The following MYH13 variants were observed in gnomAD, a reference collection of about 807,000 sequenced individuals.
The protein encoded by MYH13 is myosin heavy chain 13, also known as myosin-13.
A neutral mutation model predicts 232.1 loss-of-function variants in MYH13; 177 were observed. The observed-to-expected ratio is 0.76, with a 90% CI of 0.67 to 0.86. The LOEUF (loss-of-function observed/expected upper bound fraction) is 0.86. Ranked by LOEUF, MYH13 falls within the 40% of genes least tolerant of loss-of-function variation. MYH13 has a pLI of 0.00. For synonymous variants in MYH13, 884 were observed against 923.5 expected, an observed-to-expected ratio of 0.96 and a Z score of 0.78; for missense variants, 2,246 against 2,405.9, an observed-to-expected ratio of 0.93 and a Z score of 1.39.
chr17:10,316,916 A>G (rs1906735607), intron 27 of MYH13, among the ~76,000 whole-genome samples: 1 of 152,206 alleles, frequency 6.6e-6, no homozygotes, highest in Non-Finnish European at 1.5e-5. Flanking sequence ...AAGCAGGGAC[A>G]CTAATTCCAC....
At chr17:10,324,883 G>A (rs1907149278) in intron 22 of MYH13, 1 of 151,260 alleles carries the variant, frequency 6.6e-6, no homozygotes. Flanking sequence ...AAGTGCAGTG[G>A]TGTGAGTGTA....
rs1452614336 is a variant in MYH13, at chr17:10,323,805, G to A, written c.2934+217C>T. Among the ~76,000 whole-genome samples, 4 of 139,280 alleles carry A rather than the reference G, an allele frequency of 2.9e-5. No individual in the cohort carries two copies. The East Asian group carries it at 7.5e-4, about 26-fold the overall frequency. The allele number at this position is 139,280 out of a possible 152,430, so 91.4% of individuals were successfully genotyped here. On this transcript the variant is annotated intron_variant, in intron 23 of 40. Coordinates refer to ENST00000252172, the MANE Select transcript of MYH13 (RefSeq NM_003802.3). ...AAAAAAAAAAGAAGAAGAAGAAGAA[G>A]AAGAAGAAGAAGAAGAAGAAGAAGA...
Position 10,346,744 on chromosome 17 carries a change from C to T in MYH13, c.1199G>A (p.Gly400Asp). Reference sequence around the variant, plus strand: ...AACCTTCACCCTTGGACAGCACAGGCCCTTCAGCATTTCTGCAGAATTCAG... The same window carrying T: ...AACCTTCACCCTTGGACAGCACAGGTCCTTCAGCATTTCTGCAGAATTCAG... ...MGLNSAEMLKGLCCPRVKVGN... is the reference protein window; with the variant it reads ...MGLNSAEMLKDLCCPRVKVGN... Residue 400 changes from glycine to aspartate, a missense_variant, in exon 13 of 41, where the codon GGC (glycine) becomes GAC (aspartate). Coordinates refer to ENST00000252172, the MANE Select transcript of MYH13 (RefSeq NM_003802.3). 6.2e-7 allele frequency: 1 copy of T among 1,614,002 alleles called. No individual in the cohort carries two copies. The highest frequency in any genetic ancestry group is 8.5e-7 in the Non-Finnish European group (1 of 1,179,878).
intron 18 of MYH13, among the ~76,000 whole-genome samples, chr17:10,339,453 G>A (rs1047356543): frequency 6.6e-6 from 1 of 152,334 alleles, no homozygotes; most frequent in African/African-American, 2.4e-5. Context: ...GCAGAGAACT[G>A]TTGCAAGGAT....
intron 21 of MYH13, among the ~76,000 whole-genome samples, chr17:10,330,165 G>A (rs964823322): frequency 3.3e-5 from 5 of 152,046 alleles, no homozygotes; most frequent in East Asian, 3.9e-4. Flanking sequence ...CCATACATGC[G>A]TCTGCTTCCC....
At chr17:10,349,605 G>A (rs571660418) in intron 12 of MYH13, among the ~76,000 whole-genome samples, 19 of 152,114 alleles carry the variant, frequency 1.2e-4, no homozygotes, top group Non-Finnish European at 1.9e-4. Context: ...GTGCCCCCTG[G>A]TGTACATGCC....
intron 22 of MYH13, among the ~76,000 whole-genome samples, chr17:10,324,482 G>T (rs1030326997): frequency 2.0e-5 from 3 of 152,130 alleles, no homozygotes; most frequent in Non-Finnish European, 2.9e-5. Context: ...GTTTCTCTCT[G>T]TGGCCCAGGC....
At chr17:10,330,248 T>C (rs908169139) in intron 21 of MYH13, 139 bp downstream of exon 21, 7 of 1,237,146 alleles carry the variant, frequency 5.7e-6, no homozygotes, top group Non-Finnish European at 6.6e-6. Context: ...CAGCCCAGGA[T>C]TGCCGCTCAG....
chr17:10,342,576 C>T, intron 16 of MYH13, among the ~76,000 whole-genome samples: 1 of 152,092 alleles, frequency 6.6e-6, no homozygotes, highest in East Asian at 1.9e-4. Flanking sequence ...AATGTGCAGA[C>T]AAAATGTGAT....
At chr17:10,320,084 G>T in intron 26 of MYH13, 69 bp downstream of exon 26, 1 of 1,163,282 alleles carries the variant, frequency 8.6e-7, no homozygotes, top group East Asian at 2.6e-5. Flanking sequence ...AAGAAACAAG[G>T]GGGAAGGAGT....
At chr17:10,350,313 C>A (rs56889152) in intron 12 of MYH13, among the ~76,000 whole-genome samples, 10 of 152,046 alleles carry the variant, frequency 6.6e-5, no homozygotes, top group African/African-American at 2.2e-4. Flanking sequence ...TAGTGGAGTG[C>A]GTGGTGATTA....
intron 29 of MYH13, among the ~76,000 whole-genome samples, chr17:10,315,435 G>C (rs1374512352): frequency 6.6e-6 from 1 of 152,152 alleles, no homozygotes; most frequent in African/African-American, 2.4e-5. Context: ...GGGATTACGG[G>C]CACCTGCCAG....
intron 20 of MYH13, among the ~76,000 whole-genome samples, chr17:10,331,349 T>C (rs1567664080): frequency 1.3e-5 from 2 of 152,192 alleles, no homozygotes; most frequent in South Asian, 4.1e-4. Context: ...GTTTCTGAGA[T>C]GTGGATCTTT....
intron 33 of MYH13, among the ~76,000 whole-genome samples, chr17:10,310,344 C>T (rs972955087): frequency 1.1e-4 from 16 of 152,050 alleles, no homozygotes; most frequent in East Asian, 1.9e-4. Context: ...CTGCCTGCCT[C>T]GGCCTCCCAA....
chr17:10,345,991 C>CA (rs1211414796), intron 13 of MYH13, among the ~76,000 whole-genome samples: 13,945 of 82,880 alleles, frequency 0.17, 1,862 homozygotes, highest in East Asian at 0.45. Context: ...GACTCTGTCT[C>CA]AAAAAAAAAA....
At chr17:10,312,475 T>C in intron 31 of MYH13, 99 bp downstream of exon 31, 1 of 1,381,776 alleles carries the variant, frequency 7.2e-7, no homozygotes, top group Non-Finnish European at 9.8e-7. Flanking sequence ...GCAAAACATT[T>C]GTCCCTTTTC....
intron 12 of MYH13, among the ~76,000 whole-genome samples, chr17:10,348,641 T>C (rs1567669347): frequency 6.6e-6 from 1 of 152,096 alleles, no homozygotes; most frequent in Non-Finnish European, 1.5e-5. Flanking sequence ...CTGAGGTATA[T>C]CAATACGTGT....
At position 10,332,139 on chromosome 17, in the gene MYH13, A is replaced by C. The variant is rs776806739; in HGVS notation, c.2258T>G (p.Ile753Ser). The C allele has an allele frequency of 6.2e-7, 1 of 1,613,808 alleles. No homozygotes were observed. The highest frequency in any genetic ancestry group is 1.6e-4 in the Middle Eastern group (1 of 6,084). Residue 753 changes from isoleucine (I) to serine (S), a missense_variant, in exon 20 of 41, where the codon ATC (isoleucine) becomes AGC (serine). Ile to Ser is a moderately radical substitution (Grantham distance 142, BLOSUM62 -2). Transcript: ENST00000252172. ...KNASEKLLNSIDVDREQFRFG... is the reference protein window; with the variant it reads ...KNASEKLLNSSDVDREQFRFG... ...CCTGAACTGCTCCCGGTCCACATCG[A>C]TGGAGTTGAGGAGCTTCTCTGAGGC...
At position 10,364,535 on chromosome 17, in the gene MYH13, G is replaced by A. The variant is rs1402818395; in HGVS notation, c.-5C>T. The stretch of plus-strand genomic sequence containing the variant: ...CATTTCTGCGTCAGAGCTCATGACT[G>A]CAGAGGGCTGGGAAGACCAGAGGGA... On this transcript the variant is annotated 5_prime_UTR_variant, in exon 3 of 41. Transcript: ENST00000252172. The A allele has an allele frequency of 2.5e-6, 4 of 1,581,338 alleles. No individual in the cohort carries two copies. In the South Asian group the frequency reaches 4.6e-5, roughly 18 times the overall value.
Sources: gnomAD v4.1 joint callset for allele counts (sites outside exome capture counted in the v4.1 genomes callset) on GRCh38, gnomAD v4.1.1 for gene constraint, MANE v1.5 for transcripts, NCBI Gene and HGNC (gene_info 2026-07-23, HGNC 2026-07-21) for gene names.